The following ZNF644 variants were observed in gnomAD, a reference collection of about 807,000 sequenced individuals.
ZNF644 encodes the protein zinc finger motif enhancer binding protein 2.
Under a neutral mutation model 108.0 loss-of-function variants are expected in ZNF644, and 20 were observed. The observed-to-expected ratio is 0.19, with a 90% confidence interval of 0.13 to 0.27. ZNF644 has a LOEUF of 0.27. Among genes scored for constraint, ZNF644 ranks in the 10% least tolerant of loss-of-function variants. The probability of loss-of-function intolerance (pLI) is 1.00; values close to 1 mark genes in which losing one functional copy is unlikely to be tolerated. For missense variants in ZNF644, 1,338 were observed against 1,548.9 expected (o/e 0.86, Z 2.29); for synonymous variants, 542 against 539.1 (o/e 1.01, Z -0.08).
At chr1:90,952,308 A>G (rs1406825367) in intron 2 of ZNF644, among the ~76,000 whole-genome samples, 1 of 152,208 alleles carries the variant, frequency 6.6e-6, no homozygotes, top group Non-Finnish European at 1.5e-5. Context: ...TATGCATACA[A>G]TGTACTGTAT....
intron 1 of ZNF644, among the ~76,000 whole-genome samples, chr1:91,015,258 G>A (rs1203279602): frequency 6.6e-6 from 1 of 152,100 alleles, no homozygotes; most frequent in African/African-American, 2.4e-5. Context: ...AATTAAAGAG[G>A]GGGAACTGAT....
chr1:90,977,790 A>G (rs1311204535), intron 2 of ZNF644, among the ~76,000 whole-genome samples: 5 of 152,212 alleles, frequency 3.3e-5, no homozygotes, highest in Non-Finnish European at 7.3e-5. Context: ...TTGCAGCAGT[A>G]CTTATATACA....
rs569412925 is a variant in ZNF644 at position 90,978,281 on chromosome 1, G to A, written c.44+4029C>T. 3.0e-4 allele frequency among the ~76,000 whole-genome samples: 45 copies of A among 152,098 alleles called. No individual in the cohort carries two copies. In the South Asian group the frequency reaches 4.4e-3, roughly 15 times the overall value. ...GCAGGAGAAACGCATGAACTCAGGAGGCGGAGGTTGCAGGGAGCCAAAATA... is the reference window on the plus strand; with the variant it reads ...GCAGGAGAAACGCATGAACTCAGGAAGCGGAGGTTGCAGGGAGCCAAAATA... On this transcript the variant is annotated intron_variant, in intron 2 of 5. Transcript: ENST00000337393.
intron 4 of ZNF644, among the ~76,000 whole-genome samples, chr1:90,922,881 G>C (rs1649622065): frequency 6.6e-6 from 1 of 152,060 alleles, no homozygotes. Flanking sequence ...AATTATAACT[G>C]TTGTCACTAA....
Position 91,007,220 on chromosome 1 carries a change from A to ATTT in ZNF644, c.-18+14767_-18+14769dup, listed in dbSNP as rs1557658483. Among the ~76,000 whole-genome samples the ATTT allele has an allele frequency of 9.7e-3, 295 of 30,272 alleles. 19 individuals carry two copies. The highest frequency in any genetic ancestry group is 0.023 in the Middle Eastern group (1 of 44). 19.9% of individuals were successfully genotyped at this position (30,272 alleles called of 152,430 possible). ...TTCTTAATTTCTTCCATTTTCTCCC[A>ATTT]TTTTGTTTTTTTTTTTTTTTTTTTT... On this transcript the variant is annotated intron_variant, in intron 1 of 5. Coordinates refer to ENST00000337393, the MANE Select transcript of ZNF644 (RefSeq NM_201269.3).
At position 90,938,135 on chromosome 1, in the gene ZNF644, A is replaced by C; in HGVS notation, c.3083-45T>G. On this transcript the variant is annotated intron_variant, in intron 3 of 5. Transcript: ENST00000337393. The surrounding 1 kb of genome is among the most constrained non-coding windows in gnomAD (Gnocchi z 4.2). The stretch of plus-strand genomic sequence containing the variant: ...AGTAATATCAGACTTTCTTATATAA[A>C]CTGACCACCCTAAAATGAGTTAATT... 1 of 1,608,166 alleles carries C rather than the reference A, an allele frequency of 6.2e-7. No individual in the cohort carries two copies.
intron 4 of ZNF644, among the ~76,000 whole-genome samples, chr1:90,935,178 G>T (rs1358374844): frequency 6.6e-6 from 1 of 152,130 alleles, no homozygotes; most frequent in African/African-American, 2.4e-5. Context: ...CACCTCTTGG[G>T]TTAATTTTTT....
At chr1:90,999,808 A>G (rs1372960848) in intron 1 of ZNF644, among the ~76,000 whole-genome samples, 15 of 152,346 alleles carry the variant, frequency 9.8e-5, no homozygotes, top group Non-Finnish European at 8.8e-5. Context: ...ACGTGCACAG[A>G]CACAAATAGG....
intron 4 of ZNF644, among the ~76,000 whole-genome samples, chr1:90,934,943 G>A (rs1383920501): frequency 1.3e-5 from 2 of 152,092 alleles, no homozygotes; most frequent in African/African-American, 4.8e-5. Context: ...CCAGGCTGGA[G>A]TGCAGTGACT....
chr1:90,979,034 C>T (rs1479544220), intron 2 of ZNF644, among the ~76,000 whole-genome samples: 1 of 151,970 alleles, frequency 6.6e-6, no homozygotes, highest in Admixed American at 6.5e-5. Flanking sequence ...TTTGGACTTG[C>T]TAGAGGGCAA....
chr1:90,976,483 T>A (rs1370747062), intron 2 of ZNF644, among the ~76,000 whole-genome samples: 1 of 152,232 alleles, frequency 6.6e-6, no homozygotes, highest in Non-Finnish European at 1.5e-5. Context: ...AAGGCTAAAG[T>A]ATAGCCATGG....
chr1:90,940,893 G>A lies in ZNF644; in HGVS notation c.461C>T (p.Thr154Ile), dbSNP rs1001886822. The change falls in exon 3 of 6, where the codon ACT (threonine) becomes ATT (isoleucine). Residue 154 changes from threonine (T) to isoleucine (I), a missense_variant. Physicochemically the swap from Thr to Ile is moderately conservative, Grantham distance 89 (BLOSUM62 -1). Transcript: ENST00000337393. ...VDQPTTESCS[T>I]LKVAADLQLS... ...CTGAAGATCAGCTGCTACCTTCAAA[G>A]TTGAACAAGATTCTGTTGTTGGCTG... 36 of 1,613,954 alleles carry A rather than the reference G, an allele frequency of 2.2e-5. No homozygotes were observed. Among genetic ancestry groups the A allele is most frequent in the Non-Finnish European group, 3.1e-5 (36 of 1,179,990 alleles).
In ZNF644 at chr1:90,941,165, T is replaced by C. The variant is rs929015207; in HGVS notation, c.189A>G (p.Gln63=). 3 of 1,613,224 alleles carry C rather than the reference T, an allele frequency of 1.9e-6. No individual in the cohort carries two copies. Among genetic ancestry groups the C allele is most frequent in the Non-Finnish European group, 2.5e-6 (3 of 1,179,710 alleles). ...ACGTATTATTTTTCTGAAATGATGT[T>C]TGACAATCTTTTGGCTTATGAACTC... ...ESGVHKPKDC[Q]TSFQKNNTLT... The change falls in exon 3 of 6, where the codon CAA becomes CAG. Residue 63 remains glutamine (Q), a synonymous_variant. Transcript: ENST00000337393.
chr1:90,974,923 T>C (rs756470470), intron 2 of ZNF644, among the ~76,000 whole-genome samples: 7 of 152,166 alleles, frequency 4.6e-5, no homozygotes, highest in Non-Finnish European at 8.8e-5. Context: ...CACCCCACGG[T>C]GAGCTCTACA....
At chr1:90,998,192 C>G (rs1231895863) in intron 1 of ZNF644, among the ~76,000 whole-genome samples, 1 of 152,158 alleles carries the variant, frequency 6.6e-6, no homozygotes, top group Non-Finnish European at 1.5e-5. Context: ...AGCTTTGAAG[C>G]GAGTAGTGGT....
intron 2 of ZNF644, among the ~76,000 whole-genome samples, chr1:90,977,921 A>T (rs999071346): frequency 2.0e-5 from 3 of 152,252 alleles, no homozygotes; most frequent in Admixed American, 6.5e-5. Context: ...TGTAGAATAC[A>T]TACCAGCTAT....
intron 4 of ZNF644, among the ~76,000 whole-genome samples, chr1:90,930,247 T>C (rs934751252): frequency 8.5e-5 from 13 of 152,208 alleles, no homozygotes; most frequent in Admixed American, 2.6e-4. Flanking sequence ...GACTGCACCA[T>C]TGCACTCCAG....
At chr1:90,969,986 A>T (rs1289170010) in intron 2 of ZNF644, among the ~76,000 whole-genome samples, 1 of 152,206 alleles carries the variant, frequency 6.6e-6, no homozygotes, top group Non-Finnish European at 1.5e-5. Flanking sequence ...GATATACATG[A>T]ATATTTCTAT....
intron 2 of ZNF644, among the ~76,000 whole-genome samples, chr1:90,948,420 A>G (rs1356770611): frequency 6.6e-6 from 1 of 152,230 alleles, no homozygotes; most frequent in Non-Finnish European, 1.5e-5. Context: ...ACAACAGCTG[A>G]AGAGATAACT....
Sources: gnomAD v4.1 joint callset for allele counts (sites outside exome capture counted in the v4.1 genomes callset) on GRCh38, gnomAD v4.1.1 for gene constraint, Gnocchi (gnomAD v3.1) non-coding constraint, MANE v1.5 for transcripts, NCBI Gene and HGNC (gene_info 2026-07-23, HGNC 2026-07-21) for gene names.